The following SAMD13 variants were observed in gnomAD, a reference collection of about 807,000 sequenced individuals.
The protein encoded by SAMD13 is sterile alpha motif domain-containing protein 13.
In SAMD13, 9 loss-of-function variants were observed where a neutral mutation model predicts 12.4. The observed-to-expected ratio is 0.72, with a 90% confidence interval of 0.44 to 1.26. SAMD13 has a LOEUF of 1.26. Among genes scored for constraint, SAMD13 ranks in the 50% most tolerant of loss-of-function variants. The probability of loss-of-function intolerance (pLI) is 0.00; values close to 1 mark genes in which losing one functional copy is unlikely to be tolerated. For synonymous variants in SAMD13, 46 were observed against 45.4 expected (o/e 1.01, Z -0.05); for missense variants, 84 against 119.6 (o/e 0.70, Z 1.39).
intron 2 of SAMD13, among the ~76,000 whole-genome samples, chr1:84,318,764 A>G (rs1316729750): frequency 1.3e-5 from 2 of 152,150 alleles, no homozygotes; most frequent in South Asian, 2.1e-4. Context: ...TTGATATGTT[A>G]TAGTTATCTG....
intron 1 of SAMD13, chr1:84,302,602 G>A: frequency 4.2e-6 from 4 of 959,684 alleles, no homozygotes; most frequent in Non-Finnish European, 5.0e-6. Context: ...TGTGCTAAGG[G>A]CTATCTGGCA....
At chr1:84,305,226 T>C (rs1184626762) in intron 2 of SAMD13, among the ~76,000 whole-genome samples, 2 of 152,166 alleles carry the variant, frequency 1.3e-5, no homozygotes, top group Non-Finnish European at 2.9e-5. Context: ...ATCAGGTGTT[T>C]TATGTTTTCA....
chr1:84,344,703 G>A (rs1408279966), intron 3 of SAMD13: 1 of 359,002 alleles, frequency 2.8e-6, no homozygotes. Flanking sequence ...AAAGTACTAG[G>A]TGTGCCTCAA....
intron 3 of SAMD13, among the ~76,000 whole-genome samples, chr1:84,341,316 G>C (rs1679419923): frequency 1.3e-5 from 2 of 152,102 alleles, no homozygotes; most frequent in South Asian, 4.1e-4. Flanking sequence ...GATGGGGATT[G>C]GTAGAGATTT....
rs373383377 is a variant in SAMD13 at position 84,325,593 on chromosome 1, G to C, written c.54-44G>C. ...CATTTGTGAGCCTGGCCACACCCTT[G>C]TGCAGGCACTGCCATGACAACTGTC... On this transcript the variant is annotated intron_variant, in intron 2 of 3. Transcript: ENST00000394834. 4.0e-4 allele frequency: 481 copies of C among 1,207,908 alleles called. 3 individuals are homozygous for C. The highest frequency in any genetic ancestry group is 3.4e-4 in the African/African-American group (23 of 66,974). The allele number at this position is 1,207,908 out of a possible 1,614,324, so 74.8% of individuals were successfully genotyped here.
At chr1:84,300,850 CTA>C (rs1456686197), upstream of SAMD13, among the ~76,000 whole-genome samples, 1 of 152,114 alleles carries the variant, frequency 6.6e-6, no homozygotes, top group Admixed American at 6.5e-5. Flanking sequence ...GCGGGAGAGA[CTA>C]TGAATTTTGG....
chr1:84,330,687 G>A (rs1191283685), intron 3 of SAMD13, among the ~76,000 whole-genome samples: 1 of 152,188 alleles, frequency 6.6e-6, no homozygotes, highest in African/African-American at 2.4e-5. Flanking sequence ...CACAAAGACA[G>A]CTCTGCCTGT....
chr1:84,342,052 A>G (rs936638143), intron 3 of SAMD13, among the ~76,000 whole-genome samples: 11 of 152,220 alleles, frequency 7.2e-5, no homozygotes, highest in Admixed American at 2.6e-4. Context: ...GGGCATTGAC[A>G]TAAGTTAGCA....
At chr1:84,303,313 T>C (rs751063080) in intron 2 of SAMD13, 26 bp downstream of exon 2, 1 of 1,568,926 alleles carries the variant, frequency 6.4e-7, no homozygotes, top group Non-Finnish European at 8.8e-7. Context: ...TTCTGAGTTC[T>C]GCTTCTGCAA....
At chr1:84,299,928 G>A (rs907291589), upstream of SAMD13, among the ~76,000 whole-genome samples, 2 of 152,064 alleles carry the variant, frequency 1.3e-5, no homozygotes, top group African/African-American at 4.8e-5. Context: ...AAACTTCACA[G>A]AATCCTTTCT....
chr1:84,303,813 T>G (rs1370321042), intron 2 of SAMD13: 1 of 152,600 alleles, frequency 6.6e-6, no homozygotes, highest in East Asian at 1.9e-4. Flanking sequence ...TAAAGTCTGT[T>G]CTCACATTTG....
intron 1 of SAMD13, among the ~76,000 whole-genome samples, chr1:84,302,247 G>T (rs1678467007): frequency 6.6e-6 from 1 of 151,836 alleles, no homozygotes; most frequent in African/African-American, 2.4e-5. Context: ...TAGAGAAGGA[G>T]TGCCGAAGTA....
intron 3 of SAMD13, among the ~76,000 whole-genome samples, chr1:84,342,929 G>A (rs117185551): frequency 2.5e-4 from 38 of 151,678 alleles, no homozygotes; most frequent in Middle Eastern, 3.4e-3. Context: ...AACCTATAGC[G>A]TGGGAGAAAA....
At chr1:84,325,186 C>T (rs1016498652) in intron 2 of SAMD13, among the ~76,000 whole-genome samples, 1 of 152,010 alleles carries the variant, frequency 6.6e-6, no homozygotes, top group African/African-American at 2.4e-5. Flanking sequence ...AGAGTTTTGT[C>T]CAATAGAGAC....
Position 84,349,867 on chromosome 1 carries a change from T to A in SAMD13, c.*93T>A. ...ACTTTGTAAACAGAATACATACATG[T>A]GTATATGTAAAGAATTTCAATCAAA... On this transcript the variant is annotated 3_prime_UTR_variant, in exon 4 of 4. Transcript: ENST00000394834. 1.3e-6 allele frequency: 2 copies of A among 1,487,286 alleles called. No individual in the cohort carries two copies. The highest frequency in any genetic ancestry group is 1.8e-6 in the Non-Finnish European group (2 of 1,120,790). The allele number at this position is 1,487,286 out of a possible 1,614,324, so 92.1% of individuals were successfully genotyped here. A position where few individuals can be genotyped will look rare whatever the true frequency, so the allele number is the denominator to read the frequency against.
At chr1:84,303,321 C>T (rs369022416) in intron 2 of SAMD13, 34 bp downstream of exon 2, 7 of 1,523,080 alleles carry the variant, frequency 4.6e-6, no homozygotes, top group African/African-American at 2.7e-5. Context: ...TCTGCTTCTG[C>T]AAACAACAGA....
chr1:84,321,967 T>C (rs894736486), intron 2 of SAMD13, among the ~76,000 whole-genome samples: 1 of 152,182 alleles, frequency 6.6e-6, no homozygotes, highest in African/African-American at 2.4e-5. Context: ...GAGACGTGCC[T>C]CTGCAAGCCA....
Position 84,349,811 on chromosome 1 carries a change from A to G in SAMD13, c.*37A>G. 2 of 1,581,908 alleles carry G rather than the reference A, an allele frequency of 1.3e-6. No individual in the cohort carries two copies. Among genetic ancestry groups the G allele is most frequent in the Non-Finnish European group, 1.7e-6 (2 of 1,164,388 alleles). ...TGGGGTCTTCGACCTCAAAAAATAC[A>G]TAATGACATAATTTAGTTTCATGTA... is the stretch of plus-strand genomic sequence containing the variant. On this transcript the variant is annotated 3_prime_UTR_variant, in exon 4 of 4. Coordinates refer to ENST00000394834, the MANE Select transcript of SAMD13 (RefSeq NM_001134663.2).
intron 2 of SAMD13, among the ~76,000 whole-genome samples, chr1:84,314,138 A>G (rs548180692): frequency 1.3e-5 from 2 of 152,302 alleles, no homozygotes; most frequent in Non-Finnish European, 2.9e-5. Flanking sequence ...TGTATAAAAC[A>G]TTGTAGAAAA....
Sources: allele counts gnomAD v4.1 joint callset (sites outside exome capture counted in the v4.1 genomes callset), GRCh38; gene constraint gnomAD v4.1.1; transcripts MANE v1.5; gene names NCBI Gene and HGNC (gene_info 2026-07-23, HGNC 2026-07-21).